Variants in UHRF2 observed in about 807,000 individuals in gnomAD.
UHRF2 encodes E3 ubiquitin-protein ligase UHRF2.
UHRF2 carries 23 observed loss-of-function variants against 96.8 expected under a neutral mutation model. The observed-to-expected ratio is 0.24, with a 90% CI of 0.17 to 0.34. The LOEUF (loss-of-function observed/expected upper bound fraction) is 0.34, where lower values mean the gene tolerates loss of function less well. Among genes scored for constraint, UHRF2 ranks in the 10% least tolerant of loss-of-function variants. The pLI is 1.00. For synonymous variants in UHRF2, 385 were observed against 332.6 expected (o/e 1.16, Z -1.72); for missense variants, 685 against 981.5 (o/e 0.70, Z 4.04).
intron 1 of UHRF2, among the ~76,000 whole-genome samples, chr9:6,419,714 C>G (rs1819815833): frequency 1.3e-5 from 2 of 151,884 alleles, no homozygotes; most frequent in Admixed American, 1.3e-4. Context: ...AAGGTCACAG[C>G]CACAATGAAA....
intron 3 of UHRF2, among the ~76,000 whole-genome samples, chr9:6,442,425 C>G (rs965751926): frequency 4.6e-5 from 7 of 151,894 alleles, no homozygotes; most frequent in Non-Finnish European, 8.8e-5. Context: ...TCAATCAGTT[C>G]AAAAGTTCTC....
intron 9 of UHRF2, among the ~76,000 whole-genome samples, chr9:6,489,784 G>C (rs1225062129): frequency 1.5e-5 from 2 of 132,280 alleles, no homozygotes; most frequent in Non-Finnish European, 1.6e-5. Flanking sequence ...GTATTTACTT[G>C]CTTTCATGGA....
intron 2 of UHRF2, among the ~76,000 whole-genome samples, chr9:6,431,969 C>G (rs575868904): frequency 4.2e-4 from 64 of 152,262 alleles, no homozygotes; most frequent in African/African-American, 1.5e-3. Flanking sequence ...GAGTAGTAAC[C>G]TCAGTTTATT....
chr9:6,424,704 A>G (rs556019008), intron 2 of UHRF2, among the ~76,000 whole-genome samples: 46 of 151,850 alleles, frequency 3.0e-4, no homozygotes, highest in African/African-American at 9.4e-4. Context: ...TTTGTTCCAG[A>G]ATCCCACTAG....
At chr9:6,456,005 G>A (rs1822151150) in intron 3 of UHRF2, among the ~76,000 whole-genome samples, 1 of 152,206 alleles carries the variant, frequency 6.6e-6, no homozygotes, top group Non-Finnish European at 1.5e-5. Context: ...ATAAAAATAT[G>A]TAAAATTGAA....
intron 3 of UHRF2, among the ~76,000 whole-genome samples, chr9:6,447,999 G>T (rs1038007796): frequency 6.6e-6 from 1 of 152,146 alleles, no homozygotes; most frequent in Non-Finnish European, 1.5e-5. Context: ...TTTAAAACAG[G>T]AAAGAAGACA....
intron 6 of UHRF2, among the ~76,000 whole-genome samples, chr9:6,480,459 G>A (rs764059337): frequency 6.6e-6 from 1 of 152,200 alleles, no homozygotes; most frequent in Non-Finnish European, 1.5e-5. Flanking sequence ...ATGACTTTAG[G>A]ATGGTATAAT....
At chr9:6,459,623 C>A (rs1014441970) in intron 3 of UHRF2, among the ~76,000 whole-genome samples, 1 of 152,122 alleles carries the variant, frequency 6.6e-6, no homozygotes, top group Non-Finnish European at 1.5e-5. Context: ...GAGCTGAGAT[C>A]ACACCACTGC....
chr9:6,494,171 T>G (rs1267490401), intron 10 of UHRF2: 1 of 386,174 alleles, frequency 2.6e-6, no homozygotes, highest in East Asian at 4.0e-5. Flanking sequence ...CATTTGAAAA[T>G]GTTAACAACT....
intron 2 of UHRF2, among the ~76,000 whole-genome samples, 174 bp from the exon 3 acceptor site, chr9:6,433,740 A>C (rs568897982): frequency 6.0e-4 from 92 of 152,382 alleles, no homozygotes; most frequent in African/African-American, 2.1e-3. Flanking sequence ...CAATAGATTT[A>C]AGATAGCACA....
At chr9:6,471,472 G>A (rs1823235686) in intron 4 of UHRF2, among the ~76,000 whole-genome samples, 1 of 152,126 alleles carries the variant, frequency 6.6e-6, no homozygotes, top group African/African-American at 2.4e-5. Context: ...TGGTGTAAGT[G>A]ATGCTGTACC....
chr9:6,499,705 T>G, intron 12 of UHRF2, 130 bp from the exon 13 acceptor site: 1 of 511,842 alleles, frequency 2.0e-6, no homozygotes, highest in Non-Finnish European at 3.5e-6. Flanking sequence ...TCTGTTTCTT[T>G]TATGTAAAGT....
chr9:6,489,001 G>C (rs1246099845), intron 9 of UHRF2, among the ~76,000 whole-genome samples: 1 of 151,682 alleles, frequency 6.6e-6, no homozygotes, highest in African/African-American at 2.4e-5. Context: ...GTATAGGTGG[G>C]GTTTCACCAT....
At chr9:6,458,733 T>G (rs1822333227) in intron 3 of UHRF2, among the ~76,000 whole-genome samples, 1 of 152,136 alleles carries the variant, frequency 6.6e-6, no homozygotes, top group South Asian at 2.1e-4. Flanking sequence ...ACCCAAAGGA[T>G]TATAAATCAT....
chr9:6,476,742 C>T (rs1051660288), intron 5 of UHRF2, among the ~76,000 whole-genome samples: 2 of 151,962 alleles, frequency 1.3e-5, no homozygotes, highest in African/African-American at 2.4e-5. Flanking sequence ...TTACAGGCAC[C>T]CACCACCATG....
chr9:6,458,955 A>G (rs1822353592), intron 3 of UHRF2, among the ~76,000 whole-genome samples: 1 of 152,230 alleles, frequency 6.6e-6, no homozygotes, highest in Non-Finnish European at 1.5e-5. Context: ...TTCTCAGCAA[A>G]CTAACACAGG....
intron 3 of UHRF2, among the ~76,000 whole-genome samples, chr9:6,458,366 A>G (rs997650949): frequency 6.6e-6 from 1 of 150,722 alleles, no homozygotes; most frequent in East Asian, 1.9e-4. Context: ...TATTGTGTCT[A>G]TTTGGTTCTT....
At chr9:6,438,762 G>A (rs1430039458) in intron 3 of UHRF2, among the ~76,000 whole-genome samples, 2 of 152,190 alleles carry the variant, frequency 1.3e-5, no homozygotes, top group Non-Finnish European at 2.9e-5. Flanking sequence ...TACTAGACCA[G>A]ATTATCAGTC....
chr9:6,472,108 A>G (rs1422732342), intron 4 of UHRF2, among the ~76,000 whole-genome samples: 1 of 152,200 alleles, frequency 6.6e-6, no homozygotes, highest in Non-Finnish European at 1.5e-5. Flanking sequence ...ATCACTCCCA[A>G]AAGTTCCCTT....
Sources: allele counts gnomAD v4.1 joint callset (sites outside exome capture counted in the v4.1 genomes callset), GRCh38; gene constraint gnomAD v4.1.1; transcripts MANE v1.5; gene names NCBI Gene and HGNC (gene_info 2026-07-23, HGNC 2026-07-21).